CTNNA3: variants seen among roughly 807,000 people sequenced by gnomAD.
CTNNA3 encodes the protein catenin alpha 3.
Under a neutral mutation model 95.7 loss-of-function variants are expected in CTNNA3, and 76 were observed. The ratio of observed to expected loss-of-function variants is 0.79; its 90% CI spans 0.66 to 0.96. CTNNA3 has a LOEUF of 0.96. Among genes scored for constraint, CTNNA3 ranks in the 40% least tolerant of loss-of-function variants. The pLI is 0.00. For synonymous variants in CTNNA3, 431 were observed against 374.4 expected, an observed-to-expected ratio of 1.15 and a Z score of -1.74; for missense variants, 1,191 against 1,089.8, an observed-to-expected ratio of 1.09 and a Z score of -1.31.
chr10:65,927,805 T>C (rs1337975775), intron 17 of CTNNA3, among the ~76,000 whole-genome samples: 1 of 152,174 alleles, frequency 6.6e-6, no homozygotes, highest in East Asian at 1.9e-4. Flanking sequence ...TTCTCTTGGG[T>C]AAATAACTAG....
intron 9 of CTNNA3, among the ~76,000 whole-genome samples, chr10:66,633,494 C>T (rs1376773792): frequency 3.3e-5 from 5 of 152,114 alleles, no homozygotes; most frequent in Non-Finnish European, 5.9e-5. Context: ...TCCTGGCTAA[C>T]ATGGTGAAAC....
intron 17 of CTNNA3, 103 bp downstream of exon 17, chr10:65,966,509 A>AAAC: frequency 9.8e-7 from 1 of 1,018,800 alleles, no homozygotes; most frequent in South Asian, 3.2e-5. Flanking sequence ...TAGTTTTTCT[A>AAAC]AACTAATTTT....
At chr10:67,365,018 A>T (rs1260622726) in intron 5 of CTNNA3, among the ~76,000 whole-genome samples, 1 of 152,222 alleles carries the variant, frequency 6.6e-6, no homozygotes, top group East Asian at 1.9e-4. Context: ...TACTGGTACC[A>T]AAACAGAAGC....
chr10:66,101,739 T>A (rs987758743), intron 14 of CTNNA3, among the ~76,000 whole-genome samples: 5 of 152,248 alleles, frequency 3.3e-5, no homozygotes, highest in Admixed American at 6.5e-5. Flanking sequence ...ACATAATATG[T>A]TGTGGGATTT....
At chr10:67,176,408 T>A (rs190364739) in intron 7 of CTNNA3, among the ~76,000 whole-genome samples, 1 of 152,316 alleles carries the variant, frequency 6.6e-6, no homozygotes, top group East Asian at 1.9e-4. Context: ...ATTCTATGCA[T>A]TGTGCCTGAG....
intron 10 of CTNNA3, among the ~76,000 whole-genome samples, chr10:66,587,415 T>C (rs1843396243): frequency 1.3e-5 from 2 of 152,034 alleles, no homozygotes; most frequent in Non-Finnish European, 2.9e-5. Flanking sequence ...GGTATTCCTG[T>C]GTCTCAGGTA....
In CTNNA3 at chr10:66,704,015, T is replaced by C. The variant is rs149467759; in HGVS notation, c.1281+62249A>G. Among the ~76,000 whole-genome samples the C allele has an allele frequency of 6.5e-3, 984 of 152,252 alleles. 13 individuals carry two copies. The highest frequency in any genetic ancestry group is 0.022 in the African/African-American group (920 of 41,542). On this transcript the variant is annotated intron_variant, in intron 9 of 17. Coordinates refer to ENST00000433211, the MANE Select transcript of CTNNA3 (RefSeq NM_013266.4). ...GTTGAGTACTCATGGTTCCCTTCAATATTCATTTCCTCATTATAGATCTTT... is the reference window on the plus strand; with the variant it reads ...GTTGAGTACTCATGGTTCCCTTCAACATTCATTTCCTCATTATAGATCTTT...
At chr10:66,922,189 T>C (rs1014416945) in intron 7 of CTNNA3, among the ~76,000 whole-genome samples, 9 of 152,176 alleles carry the variant, frequency 5.9e-5, no homozygotes, top group East Asian at 3.8e-4. Flanking sequence ...CCTGGATGCA[T>C]TGGGGATATT....
chr10:65,977,747 C>G (rs888572010), intron 16 of CTNNA3, among the ~76,000 whole-genome samples: 1 of 151,948 alleles, frequency 6.6e-6, no homozygotes, highest in Non-Finnish European at 1.5e-5. Flanking sequence ...TGCCACTACA[C>G]TCCAGCCTGG....
intron 9 of CTNNA3, among the ~76,000 whole-genome samples, chr10:66,726,477 T>C (rs1157802611): frequency 6.6e-6 from 1 of 152,120 alleles, no homozygotes; most frequent in Non-Finnish European, 1.5e-5. Context: ...AATCTCATGT[T>C]ACAGTTGGCT....
intron 9 of CTNNA3, among the ~76,000 whole-genome samples, chr10:66,630,695 C>T (rs1845102303): frequency 6.6e-6 from 1 of 152,142 alleles, no homozygotes; most frequent in African/African-American, 2.4e-5. Context: ...CACCGAATGA[C>T]CTCTGGCTAA....
chr10:67,354,383 T>C (rs532697787), intron 5 of CTNNA3, among the ~76,000 whole-genome samples: 2 of 152,146 alleles, frequency 1.3e-5, no homozygotes, highest in East Asian at 3.9e-4. Context: ...ATAAGTACCT[T>C]CAACTTGCAA....
chr10:67,762,185 CAAAAAAAA>C (rs55895053), intron 1 of CTNNA3, among the ~76,000 whole-genome samples: 11 of 72,318 alleles, frequency 1.5e-4, no homozygotes, highest in Non-Finnish European at 3.5e-4. Context: ...ATAAATCAGC[CAAAAAAAA>C]AAAAAAAAAA....
chr10:66,172,313 C>G (rs1054322365), intron 13 of CTNNA3, among the ~76,000 whole-genome samples: 8 of 151,978 alleles, frequency 5.3e-5, no homozygotes, highest in African/African-American at 1.9e-4. Flanking sequence ...TTAGCAAAGC[C>G]TTTGTTTTCC....
chr10:66,664,786 G>A (rs1206219119), intron 9 of CTNNA3, among the ~76,000 whole-genome samples: 1 of 151,414 alleles, frequency 6.6e-6, no homozygotes, highest in African/African-American at 2.4e-5. Flanking sequence ...TTGAAATAAT[G>A]CCTTTCAGGA....
intron 9 of CTNNA3, among the ~76,000 whole-genome samples, chr10:66,674,736 C>T (rs1224953341): frequency 6.6e-6 from 1 of 151,956 alleles, no homozygotes; most frequent in African/African-American, 2.4e-5. Context: ...CATATGTATG[C>T]GTTCAGCGTT....
At chr10:66,190,753 A>G (rs1242721219) in intron 13 of CTNNA3, among the ~76,000 whole-genome samples, 3 of 151,950 alleles carry the variant, frequency 2.0e-5, no homozygotes, top group Admixed American at 1.3e-4. Context: ...GCAGGATAAC[A>G]CACTCAAGTA....
Position 66,815,007 on chromosome 10 carries a change from A to G in CTNNA3, c.1048-39483T>C, listed in dbSNP as rs529115046. On this transcript the variant is annotated intron_variant, in intron 7 of 17. Coordinates refer to ENST00000433211, the MANE Select transcript of CTNNA3 (RefSeq NM_013266.4). ...GTTGGGACTACAGGCGCCTGCCACC[A>G]CGCCTGGCTAATTTTTGTATTTTTA... Among the ~76,000 whole-genome samples, 227 of 151,810 alleles carry G rather than the reference A, an allele frequency of 1.5e-3. 1 individual carries two copies. The highest frequency in any genetic ancestry group is 4.8e-3 in the African/African-American group (199 of 41,436).
intron 14 of CTNNA3, among the ~76,000 whole-genome samples, chr10:66,082,163 G>T (rs1348067025): frequency 6.6e-6 from 1 of 150,800 alleles, no homozygotes; most frequent in Non-Finnish European, 1.5e-5. Flanking sequence ...CTGCACCCAA[G>T]ATATTAACTA....
Sources: gnomAD v4.1 joint callset for allele counts (sites outside exome capture counted in the v4.1 genomes callset) on GRCh38, gnomAD v4.1.1 for gene constraint, MANE v1.5 for transcripts, NCBI Gene and HGNC (gene_info 2026-07-23, HGNC 2026-07-21) for gene names.